ATXN10: variants seen among roughly 807,000 people sequenced by gnomAD.
ATXN10 encodes the protein ataxin 10.
Under a neutral mutation model 52.9 loss-of-function variants are expected in ATXN10, and 28 were observed. That is an observed-to-expected ratio of 0.53 (90% confidence interval 0.39 to 0.73). The LOEUF is 0.73. Among genes scored for constraint, ATXN10 ranks in the 30% least tolerant of loss-of-function variants. The pLI is 0.00. For missense variants in ATXN10, 565 were observed against 577.0 expected (o/e 0.98, Z 0.21); for synonymous variants, 226 against 221.5 (o/e 1.02, Z -0.18).
chr22:45,718,653 CT>C lies in ATXN10; in HGVS notation c.728+162del. On this transcript the variant is annotated intron_variant, in intron 6 of 11. Transcript: ENST00000252934. This position sits in a 1 kb window ranked among gnomAD's most constrained non-coding sequence, Gnocchi z 4.4. ...TTAAATTGGTTGGTTAACATTACAG[CT>C]TAGCCACAGTAGGCAGTGATTTATG... 6.6e-6 allele frequency among the ~76,000 whole-genome samples: 1 copy of C among 152,272 alleles called. No individual in the cohort carries two copies. Among genetic ancestry groups the C allele is most frequent in the South Asian group, 2.1e-4 (1 of 4,828 alleles).
rs138754355 is a variant in ATXN10 at position 45,785,586 on chromosome 22, A to C, written c.1174-21373A>C. Among the ~76,000 whole-genome samples, 7 of 152,346 alleles carry C rather than the reference A, an allele frequency of 4.6e-5. No individual in the cohort carries two copies. In the East Asian group the frequency reaches 1.2e-3, roughly 25 times the overall value. On this transcript the variant is annotated intron_variant, in intron 9 of 11. Transcript: ENST00000252934. ...TGTTTTCTTACCGTTTACTAGAATG[A>C]CACCTTCTGTTTGCAGTAGAGCTTT...
intron 9 of ATXN10, among the ~76,000 whole-genome samples, chr22:45,768,616 C>G (rs183122178): frequency 1.3e-5 from 2 of 152,090 alleles, no homozygotes; most frequent in Admixed American, 6.5e-5. Flanking sequence ...TTAAAGAAAA[C>G]GTAGTCACCA....
rs557720320 is a variant in ATXN10, at chr22:45,783,835, A to G, written c.1174-23124A>G. ...AAAAGGACCTGAAAGTGCTGTTGTC[A>G]TGTTTGTGTCATGCTGATGGCACGA... On this transcript the variant is annotated intron_variant, in intron 9 of 11. Coordinates refer to ENST00000252934, the MANE Select transcript of ATXN10 (RefSeq NM_013236.4). This position sits in a 1 kb window ranked among gnomAD's most constrained non-coding sequence, Gnocchi z 5.0. 6.4e-4 allele frequency among the ~76,000 whole-genome samples: 97 copies of G among 152,234 alleles called. No individual in the cohort carries two copies. Among genetic ancestry groups the G allele is most frequent in the Non-Finnish European group, 7.2e-4 (49 of 68,044 alleles).
At chr22:45,702,917 A>G (rs771260043) in intron 5 of ATXN10, 70 bp downstream of exon 5, 1 of 1,594,156 alleles carries the variant, frequency 6.3e-7, no homozygotes, top group African/African-American at 1.3e-5. Flanking sequence ...CAGAGGTTTT[A>G]AGTAAAAATT....
chr22:45,811,603 C>T (rs146883357), intron 10 of ATXN10: 13 of 412,958 alleles, frequency 3.1e-5, no homozygotes, highest in East Asian at 7.1e-5. Flanking sequence ...TATACCATAC[C>T]GCCTGGGTGT....
At chr22:45,804,261 C>G (rs34159346) in intron 9 of ATXN10, among the ~76,000 whole-genome samples, 13,507 of 152,178 alleles carry the variant, frequency 0.089, 773 homozygotes, top group Middle Eastern at 0.16. Flanking sequence ...ACTTTTTTAT[C>G]TGTAAAAGGG....
rs972620585 is a variant in ATXN10, at chr22:45,789,274, C to T, written c.1174-17685C>T. Reference sequence around the variant, plus strand: ...TTTAGTTATTAATTTACTCACCTGCCTCCCCCTGGCTAAGTTTCATTCAGT... The same window carrying T: ...TTTAGTTATTAATTTACTCACCTGCTTCCCCCTGGCTAAGTTTCATTCAGT... On this transcript the variant is annotated intron_variant, in intron 9 of 11. Transcript: ENST00000252934. This position sits in a 1 kb window ranked among gnomAD's most constrained non-coding sequence, Gnocchi z 4.0. Among the ~76,000 whole-genome samples the T allele has an allele frequency of 6.6e-6, 1 of 152,218 alleles. No individual in the cohort carries two copies. Among genetic ancestry groups the T allele is most frequent in the African/African-American group, 2.4e-5 (1 of 41,444 alleles).
intron 9 of ATXN10, among the ~76,000 whole-genome samples, chr22:45,767,442 C>T (rs981012123): frequency 6.6e-6 from 1 of 151,684 alleles, no homozygotes; most frequent in African/African-American, 2.4e-5. Context: ...TACATACACA[C>T]ACACACACAC....
chr22:45,671,969 C>T lies in ATXN10; in HGVS notation c.-95C>T, dbSNP rs1922456808. On this transcript the variant is annotated 5_prime_UTR_variant, in exon 1 of 12. Transcript: ENST00000252934. ...GTAGGGCGAGGCCTCCCCCTTCCTC[C>T]TCGCCATCCTACTCCTCCCTCCTCG... The T allele has an allele frequency of 7.1e-7, 1 of 1,403,620 alleles. No individual in the cohort carries two copies. The highest frequency in any genetic ancestry group is 9.6e-7 in the Non-Finnish European group (1 of 1,038,022). 86.9% of individuals were successfully genotyped at this position (1,403,620 alleles called of 1,614,324 possible).
At chr22:45,740,084 T>G (rs950026014) in intron 8 of ATXN10, among the ~76,000 whole-genome samples, 2 of 152,226 alleles carry the variant, frequency 1.3e-5, no homozygotes, top group Non-Finnish European at 2.9e-5. Flanking sequence ...AGCAAACTTT[T>G]AGCTAACTTT....
In ATXN10 at chr22:45,843,592, T is replaced by C. The variant is rs1003209293; in HGVS notation, c.1426-77T>C. On this transcript the variant is annotated intron_variant, in intron 11 of 11. Coordinates refer to ENST00000252934, the MANE Select transcript of ATXN10 (RefSeq NM_013236.4). The surrounding 1 kb of genome is among the most constrained non-coding windows in gnomAD (Gnocchi z 4.5). ...TGTCACCACTGACCAAAGTTCTGGG[T>C]TTTTTCCCCTTTTGTCTGATGAATC... 1 of 1,456,320 alleles carries C rather than the reference T, an allele frequency of 6.9e-7. No homozygotes were observed. The highest frequency in any genetic ancestry group is 1.2e-5 in the South Asian group (1 of 85,682). The allele number at this position is 1,456,320 out of a possible 1,614,324, so 90.2% of individuals were successfully genotyped here.
At chr22:45,743,393 G>A (rs1235516996) in intron 9 of ATXN10, among the ~76,000 whole-genome samples, 1 of 152,158 alleles carries the variant, frequency 6.6e-6, no homozygotes, top group East Asian at 1.9e-4. Flanking sequence ...CCAAATCCTT[G>A]TTCCAGCTGG....
At position 45,689,899 on chromosome 22, in the gene ATXN10, A is replaced by G; in HGVS notation, c.304A>G (p.Ile102Val). The change falls in exon 2 of 12, where the codon ATC becomes GTC. Residue 102 changes from isoleucine to valine, a missense_variant. Physicochemically the swap from Ile to Val is conservative, Grantham distance 29. Transcript: ENST00000252934. Reference protein sequence around the residue: ...CIECSVNQNSIRNLDTIGVAV... With the variant: ...CIECSVNQNSVRNLDTIGVAV... ...AGAGTGTTCTGTGAACCAGAATTCA[A>G]TCAGGTAGTTACACACGTACCTTGG... The G allele has an allele frequency of 1.2e-6, 2 of 1,614,036 alleles. No individual in the cohort carries two copies. Among genetic ancestry groups the G allele is most frequent in the Non-Finnish European group, 1.7e-6 (2 of 1,179,966 alleles).
chr22:45,692,046 C>T (rs916366332), intron 2 of ATXN10, among the ~76,000 whole-genome samples: 4 of 152,232 alleles, frequency 2.6e-5, no homozygotes, highest in African/African-American at 9.6e-5. Flanking sequence ...GTCTTCCAAA[C>T]AGGCTGGTTA....
intron 9 of ATXN10, among the ~76,000 whole-genome samples, chr22:45,752,820 G>A (rs1483375915): frequency 3.3e-5 from 5 of 151,214 alleles, no homozygotes; most frequent in East Asian, 1.9e-4. Flanking sequence ...CGCAACCTCC[G>A]CCTCCCAGGT....
Position 45,773,666 on chromosome 22 carries a change from C to T in ATXN10, c.1173+33128C>T, listed in dbSNP as rs991126765. 2.0e-5 allele frequency among the ~76,000 whole-genome samples: 3 copies of T among 152,130 alleles called. No individual in the cohort carries two copies. In the East Asian group the frequency reaches 5.8e-4, roughly 29 times the overall value. On this transcript the variant is annotated intron_variant, in intron 9 of 11. Transcript: ENST00000252934. Reference sequence around the variant, plus strand: ...AGAGATGGGGTTTCACCATGCTGGCCAGGCTGGTCTCGAACTCCTGACCTC... The same window carrying T: ...AGAGATGGGGTTTCACCATGCTGGCTAGGCTGGTCTCGAACTCCTGACCTC...
rs984645158 is a variant in ATXN10, at chr22:45,838,668, G to A, written c.1238-4323G>A. Among the ~76,000 whole-genome samples, 4 of 152,136 alleles carry A rather than the reference G, an allele frequency of 2.6e-5. No individual in the cohort carries two copies. In the South Asian group the frequency reaches 6.2e-4, roughly 24 times the overall value. Reference sequence around the variant, plus strand: ...ACTGAGACTTGCTTTAATCTCTCTCGTGACACTTCAGACTGTCTAGGTCTG... The same window carrying A: ...ACTGAGACTTGCTTTAATCTCTCTCATGACACTTCAGACTGTCTAGGTCTG... On this transcript the variant is annotated intron_variant, in intron 10 of 11. Transcript: ENST00000252934.
At chr22:45,682,635 A>G (rs149065121) in intron 1 of ATXN10, among the ~76,000 whole-genome samples, 2,092 of 152,274 alleles carry the variant, frequency 0.014, 23 homozygotes, top group Admixed American at 0.029. Flanking sequence ...CCTGAATGCT[A>G]GACTTGTTTA....
chr22:45,686,115 C>T (rs1046000095), intron 1 of ATXN10, among the ~76,000 whole-genome samples: 3 of 152,126 alleles, frequency 2.0e-5, no homozygotes, highest in African/African-American at 2.4e-5. Flanking sequence ...GAGCTGATGC[C>T]TCACTTTCCC....
Sources: allele counts gnomAD v4.1 joint callset (sites outside exome capture counted in the v4.1 genomes callset), GRCh38; gene constraint gnomAD v4.1.1; non-coding constraint Gnocchi (gnomAD v3.1); transcripts MANE v1.5; gene names NCBI Gene and HGNC (gene_info 2026-07-23, HGNC 2026-07-21).